Variants in NALCN observed in about 807,000 individuals in gnomAD.
NALCN encodes sodium leak channel NALCN.
A neutral mutation model predicts 225.3 loss-of-function variants in NALCN; 111 were observed. That is an observed-to-expected ratio of 0.49 (90% CI 0.42 to 0.58). NALCN has a LOEUF of 0.58. NALCN is among the 20% of genes least tolerant of loss of function. The pLI is 0.00. For missense variants in NALCN, 1,378 were observed against 2,202.4 expected (o/e 0.63, Z 7.49); for synonymous variants, 764 against 769.0 (o/e 0.99, Z 0.11).
chr13:101,114,230 C>G (rs2035587302), intron 18 of NALCN, among the ~76,000 whole-genome samples: 1 of 152,142 alleles, frequency 6.6e-6, no homozygotes, highest in African/African-American at 2.4e-5. Flanking sequence ...CCTCCATTTC[C>G]CATATGTAAA....
chr13:101,311,222 C>T (rs1470098350), intron 7 of NALCN, among the ~76,000 whole-genome samples: 8 of 151,254 alleles, frequency 5.3e-5, no homozygotes, highest in African/African-American at 2.0e-4. Context: ...TATCCTGAGA[C>T]TTTGCTGAAG....
intron 10 of NALCN, among the ~76,000 whole-genome samples, chr13:101,271,778 T>C (rs2042786459): frequency 6.6e-6 from 1 of 152,060 alleles, no homozygotes; most frequent in Non-Finnish European, 1.5e-5. Context: ...TAAGCGTGTG[T>C]ATGCATGTCT....
chr13:101,374,653 G>A (rs2046636780), intron 6 of NALCN, among the ~76,000 whole-genome samples: 1 of 152,016 alleles, frequency 6.6e-6, no homozygotes, highest in Non-Finnish European at 1.5e-5. Flanking sequence ...ATTAATTAAG[G>A]CCTTGACTAA....
At chr13:101,151,112 C>G (rs1455623083) in intron 15 of NALCN, among the ~76,000 whole-genome samples, 1 of 152,206 alleles carries the variant, frequency 6.6e-6, no homozygotes, top group Non-Finnish European at 1.5e-5. Flanking sequence ...TAGAAGTCGT[C>G]TAAGCTCAGT....
chr13:101,365,505 T>G (rs1198289525), intron 6 of NALCN, among the ~76,000 whole-genome samples: 2 of 152,154 alleles, frequency 1.3e-5, no homozygotes, highest in Non-Finnish European at 2.9e-5. Flanking sequence ...AATTTTAATT[T>G]AGTTGATAAA....
At chr13:101,326,025 T>C (rs915696565) in intron 7 of NALCN, among the ~76,000 whole-genome samples, 4 of 152,244 alleles carry the variant, frequency 2.6e-5, no homozygotes, top group African/African-American at 9.6e-5. Flanking sequence ...TTTTGGTTTT[T>C]GTTTCTGCCT....
intron 7 of NALCN, among the ~76,000 whole-genome samples, chr13:101,317,437 A>G (rs185014450): frequency 2.6e-4 from 39 of 152,292 alleles, no homozygotes; most frequent in African/African-American, 8.9e-4. Context: ...AGTGCACACC[A>G]AGGACATTGT....
Position 101,158,606 on chromosome 13 carries a change from T to C in NALCN, c.1840-13710A>G, listed in dbSNP as rs2038017788. Among the ~76,000 whole-genome samples the C allele has an allele frequency of 2.0e-5, 3 of 152,356 alleles. No individual in the cohort carries two copies. The South Asian group carries it at 6.2e-4, about 32-fold the overall frequency. On this transcript the variant is annotated intron_variant, in intron 15 of 43. Coordinates refer to ENST00000251127, the MANE Select transcript of NALCN (RefSeq NM_052867.4). The stretch of plus-strand genomic sequence containing the variant: ...CTATGTCACGCAAGGGCAGGTTCAC[T>C]CTACCCCCATCTGCACCATTCTTCA...
At chr13:101,346,864 C>G (rs145495649) in intron 6 of NALCN, among the ~76,000 whole-genome samples, 1 of 152,150 alleles carries the variant, frequency 6.6e-6, no homozygotes, top group Non-Finnish European at 1.5e-5. Context: ...ATTTCAGAAG[C>G]CTTCTAAATC....
chr13:101,104,325 G>A lies in NALCN; in HGVS notation c.2859C>T (p.Phe953=), dbSNP rs34033086. Residue 953 remains phenylalanine (F), a synonymous_variant, in exon 25 of 44, where the codon TTC becomes TTT. Coordinates refer to ENST00000251127, the MANE Select transcript of NALCN (RefSeq NM_052867.4). The surrounding 1 kb of genome is among the most constrained non-coding windows in gnomAD (Gnocchi z 4.2). ...ATATAAATATGTCCATTACTCCACC[G>A]AAGTCCCTGATGACAGCAGTTGGAG... ...FFTPTAVIRD[F]GGVMDIFIYL... The A allele has an allele frequency of 1.4e-3, 2,188 of 1,612,814 alleles. 28 individuals are homozygous for A. In the African/African-American group the frequency reaches 0.026, roughly 19 times the overall value.
chr13:101,129,069 G>T (rs1246949876), intron 17 of NALCN, among the ~76,000 whole-genome samples: 1 of 152,106 alleles, frequency 6.6e-6, no homozygotes. Context: ...GATGTTACGG[G>T]TCTTGATGTT....
At position 101,073,764 on chromosome 13, in the gene NALCN, G is replaced by A. The variant is rs181656013; in HGVS notation, c.4104-87C>T. Reference sequence around the variant, plus strand: ...ATGGTTTGCCAACACCAAAACAAGTGGAGGTTGTAGCAAATTTGGTTGCTA... The same window carrying A: ...ATGGTTTGCCAACACCAAAACAAGTAGAGGTTGTAGCAAATTTGGTTGCTA... On this transcript the variant is annotated intron_variant, in intron 36 of 43. Transcript: ENST00000251127. 3.4e-3 allele frequency: 3,816 copies of A among 1,118,272 alleles called. 25 individuals are homozygous for A. The highest frequency in any genetic ancestry group is 3.7e-3 in the Non-Finnish European group (2,876 of 776,662). 69.3% of individuals were successfully genotyped at this position (1,118,272 alleles called of 1,614,324 possible).
chr13:101,354,118 C>T (rs1378717558), intron 6 of NALCN, among the ~76,000 whole-genome samples: 2 of 152,036 alleles, frequency 1.3e-5, no homozygotes, highest in African/African-American at 2.4e-5. Flanking sequence ...CCGAGGCGGG[C>T]GGATCACCTA....
At chr13:101,367,945 A>G (rs1195267389) in intron 6 of NALCN, among the ~76,000 whole-genome samples, 1 of 151,678 alleles carries the variant, frequency 6.6e-6, no homozygotes, top group Non-Finnish European at 1.5e-5. Flanking sequence ...TTTCACTTTG[A>G]ATGTTCTTAC....
intron 7 of NALCN, among the ~76,000 whole-genome samples, chr13:101,334,771 C>T (rs1209500404): frequency 6.6e-6 from 1 of 152,002 alleles, no homozygotes; most frequent in Non-Finnish European, 1.5e-5. Context: ...TTCAACACAG[C>T]ATTACTTATT....
intron 17 of NALCN, among the ~76,000 whole-genome samples, chr13:101,139,007 G>A (rs2036936748): frequency 6.6e-6 from 1 of 152,070 alleles, no homozygotes; most frequent in South Asian, 2.1e-4. Context: ...ACTTGGGAAG[G>A]TCGTTTCTAT....
chr13:101,345,885 C>T (rs777909065), intron 6 of NALCN, among the ~76,000 whole-genome samples: 1 of 142,824 alleles, frequency 7.0e-6, no homozygotes, highest in Non-Finnish European at 1.5e-5. Flanking sequence ...ATATTTGTAC[C>T]ACACACTTTG....
At chr13:101,094,971 G>T (rs1225912819) in intron 28 of NALCN, among the ~76,000 whole-genome samples, 1 of 152,196 alleles carries the variant, frequency 6.6e-6, no homozygotes, top group South Asian at 2.1e-4. Flanking sequence ...GACACAGACT[G>T]AGAGATTCAC....
intron 14 of NALCN, chr13:101,180,655 G>T: frequency 5.7e-6 from 1 of 174,008 alleles, no homozygotes; most frequent in Non-Finnish European, 1.3e-5. Flanking sequence ...AGAACTCTCA[G>T]GCAGCTGCCC....
Sources: gnomAD v4.1 joint callset for allele counts (sites outside exome capture counted in the v4.1 genomes callset) on GRCh38, gnomAD v4.1.1 for gene constraint, Gnocchi (gnomAD v3.1) non-coding constraint, MANE v1.5 for transcripts, NCBI Gene and HGNC (gene_info 2026-07-23, HGNC 2026-07-21) for gene names.